Variants in AMOT observed in about 807,000 individuals in gnomAD.
The protein encoded by AMOT is angiomotin.
Under a neutral mutation model 67.0 loss-of-function variants are expected in AMOT, and 11 were observed. The observed-to-expected ratio is 0.16, with a 90% CI of 0.10 to 0.27. AMOT has a LOEUF of 0.27. AMOT is among the 10% of genes least tolerant of loss of function. The pLI is 1.00. For synonymous variants in AMOT, 326 were observed against 321.4 expected (o/e 1.01, Z -0.15); for missense variants, 753 against 852.0 (o/e 0.88, Z 1.45).
chrX:112,812,216 G>A (rs1322563992), intron 5 of AMOT, among the ~76,000 whole-genome samples: 1 of 111,805 alleles, frequency 8.9e-6, no homozygotes, highest in Non-Finnish European at 1.9e-5. Context: ...AGATTTCAAT[G>A]AGCAGAGGTG....
chrX:112,834,358 A>G (rs1206463442), intron 1 of AMOT, among the ~76,000 whole-genome samples: 1 of 111,617 alleles, frequency 9.0e-6, no homozygotes, highest in Non-Finnish European at 1.9e-5. Flanking sequence ...GTCCATATCA[A>G]AAAGATTGAA....
intron 8 of AMOT, among the ~76,000 whole-genome samples, chrX:112,792,610 C>T (rs749441982): frequency 2.7e-5 from 3 of 111,707 alleles, no homozygotes; most frequent in South Asian, 7.6e-4. Flanking sequence ...AAAGTAAAGG[C>T]GTCACGTGAT....
intron 8 of AMOT, among the ~76,000 whole-genome samples, chrX:112,798,331 G>A (rs774309419): frequency 2.2e-4 from 25 of 112,356 alleles, no homozygotes; most frequent in African/African-American, 7.8e-4. Context: ...ACTCTATTAA[G>A]CAGTCATTTT....
intron 2 of AMOT, among the ~76,000 whole-genome samples, chrX:112,827,657 C>T (rs899513426): frequency 1.8e-5 from 2 of 111,864 alleles, no homozygotes; most frequent in East Asian, 5.6e-4. Flanking sequence ...GGAAGCAAGG[C>T]CAAGCTAAAT....
intron 4 of AMOT, among the ~76,000 whole-genome samples, chrX:112,817,192 G>A (rs1318439119): frequency 1.8e-5 from 2 of 112,031 alleles, no homozygotes; most frequent in African/African-American, 6.5e-5. Context: ...CTCACGAGCT[G>A]TGTAACTTGG....
intron 9 of AMOT, 88 bp downstream of exon 9, chrX:112,791,744 A>C (rs943223016): frequency 4.5e-6 from 5 of 1,101,802 alleles, no homozygotes; most frequent in Non-Finnish European, 6.2e-6. Context: ...TTCAGTGTTC[A>C]TGTCAAATGC....
chrX:112,819,799 C>T (rs759768620), intron 4 of AMOT, among the ~76,000 whole-genome samples: 63 of 112,445 alleles, frequency 5.6e-4, no homozygotes, highest in African/African-American at 2.0e-3. Context: ...CACTGCACCT[C>T]GAAAAGCAAG....
rs781442514 is a variant in AMOT at position 112,837,607 on chromosome X, A to T, written c.-289+2845T>A. ...AGGGGTCAGAAGCCCACCATGGAGGAGAGTAATGCAGTATGGCCAGCCTGT... is the reference window on the plus strand; with the variant it reads ...AGGGGTCAGAAGCCCACCATGGAGGTGAGTAATGCAGTATGGCCAGCCTGT... On this transcript the variant is annotated intron_variant, in intron 1 of 13. Coordinates refer to ENST00000371959, the MANE Select transcript of AMOT (RefSeq NM_001113490.2). Among the ~76,000 whole-genome samples the T allele has an allele frequency of 2.7e-5, 3 of 109,779 alleles. No individual in the cohort carries two copies. In the Admixed American group the frequency reaches 3.0e-4, roughly 11 times the overall value.
chrX:112,819,291 C>T (rs886589438), intron 4 of AMOT: 66 of 694,505 alleles, frequency 9.5e-5, no homozygotes, highest in Non-Finnish European at 1.1e-4. Flanking sequence ...AGAGCAGGTG[C>T]CACCCAATAG....
chrX:112,836,728 TTTTC>T (rs1193837825), intron 1 of AMOT, among the ~76,000 whole-genome samples: 1 of 109,323 alleles, frequency 9.1e-6, no homozygotes, highest in African/African-American at 3.3e-5. Flanking sequence ...CAGGATCTTT[TTTTC>T]TTTAACATGA....
At chrX:112,792,755 A>C (rs1386576428) in intron 8 of AMOT, among the ~76,000 whole-genome samples, 1 of 111,609 alleles carries the variant, frequency 9.0e-6, no homozygotes, top group Non-Finnish European at 1.9e-5. Context: ...TGGAACCATA[A>C]AAGATCCCGA....
At chrX:112,797,077 G>A in intron 8 of AMOT, among the ~76,000 whole-genome samples, 1 of 111,823 alleles carries the variant, frequency 8.9e-6, no homozygotes, top group East Asian at 2.8e-4. Flanking sequence ...ACCTCTAGGT[G>A]ACTATAAGAT....
rs756759506 is a variant in AMOT, at chrX:112,796,216, G to C, written c.1777-4235C>G. On this transcript the variant is annotated intron_variant, in intron 8 of 13. Transcript: ENST00000371959. ...CACATTCTTAGGCGTAAAAACAAAAGTTTTGCTTTAGTTTGTGTGTATGTA... is the reference window on the plus strand; with the variant it reads ...CACATTCTTAGGCGTAAAAACAAAACTTTTGCTTTAGTTTGTGTGTATGTA... Among the ~76,000 whole-genome samples the C allele has an allele frequency of 1.5e-4, 17 of 111,830 alleles. No individual in the cohort carries two copies. The South Asian group carries it at 6.3e-3, about 42-fold the overall frequency.
At chrX:112,797,730 G>C (rs1451385660) in intron 8 of AMOT, among the ~76,000 whole-genome samples, 1 of 110,603 alleles carries the variant, frequency 9.0e-6, no homozygotes, top group South Asian at 3.9e-4. Context: ...AAAGTGAGCC[G>C]CGATCGCGCC....
At chrX:112,836,825 A>T (rs1399227500) in intron 1 of AMOT, among the ~76,000 whole-genome samples, 2 of 107,458 alleles carry the variant, frequency 1.9e-5, no homozygotes. Flanking sequence ...ATTGAGGCCT[A>T]GAAAGAAAAC....
intron 8 of AMOT, among the ~76,000 whole-genome samples, chrX:112,800,758 G>A (rs1010168553): frequency 1.1e-4 from 12 of 111,999 alleles, no homozygotes; most frequent in Admixed American, 7.6e-4. Flanking sequence ...TGGAAATGGA[G>A]TAAAACGGTA....
intron 9 of AMOT, among the ~76,000 whole-genome samples, chrX:112,791,525 T>C (rs1933590458): frequency 1.8e-5 from 2 of 112,342 alleles, no homozygotes; most frequent in South Asian, 7.4e-4. Flanking sequence ...AGTTCTACAA[T>C]ATCAAGATGT....
rs772179248 is a variant in AMOT, at chrX:112,815,574, T to G, written c.1176A>C (p.Gln392His). 6.1e-5 allele frequency: 74 copies of G among 1,207,757 alleles called. No individual in the cohort carries two copies. The highest frequency in any genetic ancestry group is 5.7e-4 in the Admixed American group (26 of 45,568). ...GCTGTGGCTGCTGCTGCTGCTGTTGTTGGTGGTGATGGTGATGATGGTGCT... is the reference window on the plus strand; with the variant it reads ...GCTGTGGCTGCTGCTGCTGCTGTTGGTGGTGGTGATGGTGATGATGGTGCT... The part of the protein sequence containing the change: ...QQQHHHHHHH[Q>H]QQQQQQPQQQ... Residue 392 changes from glutamine (Q) to histidine (H), a missense_variant, in exon 5 of 14, where the codon CAA (glutamine) becomes CAC (histidine). By Grantham distance (24) the Gln-to-His change is conservative. Around this residue, in one of 5 missense-constraint regions of AMOT, gnomAD observed 297 missense variants for 284.3 expected, o/e 1.04. Transcript: ENST00000371959.
chrX:112,811,417 G>A, intron 5 of AMOT, 24 bp from the exon 6 acceptor site: 2 of 1,194,280 alleles, frequency 1.7e-6, no homozygotes, highest in Non-Finnish European at 2.3e-6. Flanking sequence ...AAAGACAATG[G>A]TGGTGATGGT....
Sources: allele counts gnomAD v4.1 joint callset (sites outside exome capture counted in the v4.1 genomes callset), GRCh38; gene constraint gnomAD v4.1.1; regional missense constraint gnomAD v4.1.1; transcripts MANE v1.5; gene names NCBI Gene and HGNC (gene_info 2026-07-23, HGNC 2026-07-21).